The following PRTG variants were observed in gnomAD, a reference collection of about 807,000 sequenced individuals.
The protein encoded by PRTG is immunoglobulin superfamily, DCC subclass, member 5.
PRTG carries 67 observed loss-of-function variants against 122.5 expected under a neutral mutation model. The observed-to-expected ratio is 0.55, with a 90% CI of 0.45 to 0.67. The LOEUF (loss-of-function observed/expected upper bound fraction) is 0.67, where lower values mean the gene tolerates loss of function less well. Ranked by LOEUF, PRTG falls within the 30% of genes least tolerant of loss-of-function variation. The pLI is 0.00. For missense variants in PRTG, 1,435 were observed against 1,415.4 expected (o/e 1.01, Z -0.22); for synonymous variants, 554 against 501.1 (o/e 1.11, Z -1.41).
At chr15:55,629,375 ATGTGTGTGTGTG>A (rs59080250) in intron 15 of PRTG, among the ~76,000 whole-genome samples, 179 of 47,970 alleles carry the variant, frequency 3.7e-3, no homozygotes, top group African/African-American at 8.5e-3. Context: ...ATATATATAT[ATGTGTGTGTGTG>A]TGTGTGTGTG....
chr15:55,687,584 T>C (rs1222223739), intron 2 of PRTG, among the ~76,000 whole-genome samples: 3 of 152,144 alleles, frequency 2.0e-5, no homozygotes, highest in Admixed American at 6.6e-5. Flanking sequence ...ATTATAACAA[T>C]TGAGCTAACC....
At chr15:55,727,240 T>C (rs2031067445) in intron 2 of PRTG, among the ~76,000 whole-genome samples, 1 of 150,502 alleles carries the variant, frequency 6.6e-6, no homozygotes, top group South Asian at 2.1e-4. Context: ...TTTGAATAGA[T>C]GAACAAAACT....
At chr15:55,717,453 C>G (rs1415412661) in intron 2 of PRTG, among the ~76,000 whole-genome samples, 1 of 152,170 alleles carries the variant, frequency 6.6e-6, no homozygotes, top group Non-Finnish European at 1.5e-5. Context: ...AAGCAAAAGC[C>G]ACAGTGAAGG....
intron 11 of PRTG, among the ~76,000 whole-genome samples, chr15:55,641,468 T>C (rs1255359967): frequency 6.6e-6 from 1 of 152,210 alleles, no homozygotes; most frequent in Non-Finnish European, 1.5e-5. Context: ...TCTTCTCCTT[T>C]CTCTCCTCTT....
intron 15 of PRTG, among the ~76,000 whole-genome samples, chr15:55,635,651 T>G (rs909307065): frequency 2.0e-5 from 3 of 152,214 alleles, no homozygotes; most frequent in Admixed American, 2.0e-4. Context: ...CATTACTTAG[T>G]GGGGCTTCCG....
At chr15:55,682,317 GC>G (rs1333671839) in intron 4 of PRTG, 46 bp downstream of exon 4, 2 of 1,459,168 alleles carry the variant, frequency 1.4e-6, no homozygotes, top group African/African-American at 2.9e-5. Context: ...AGTAACAACT[GC>G]GCCAATAAAA....
Position 55,639,452 on chromosome 15 carries a change from T to C in PRTG, c.2324+190A>G, listed in dbSNP as rs550769347. Among the ~76,000 whole-genome samples the C allele has an allele frequency of 9.8e-5, 15 of 152,290 alleles. No homozygotes were observed. The East Asian group carries it at 2.5e-3, about 25-fold the overall frequency. On this transcript the variant is annotated intron_variant, in intron 13 of 19. Transcript: ENST00000389286. ...TTAAAAATCACTTACATAAATTAAATGTCAAAAAGTATGGTTTTCAGAATA... is the reference window on the plus strand; with the variant it reads ...TTAAAAATCACTTACATAAATTAAACGTCAAAAAGTATGGTTTTCAGAATA...
intron 2 of PRTG, among the ~76,000 whole-genome samples, chr15:55,698,840 G>A (rs1017625406): frequency 1.3e-5 from 2 of 151,978 alleles, no homozygotes; most frequent in African/African-American, 4.8e-5. Flanking sequence ...AGAAAAAAAG[G>A]AGCAGTACAG....
chr15:55,734,259 G>A (rs2031337264), intron 2 of PRTG, among the ~76,000 whole-genome samples: 1 of 152,168 alleles, frequency 6.6e-6, no homozygotes, highest in Admixed American at 6.5e-5. Context: ...ATAAGCCACT[G>A]AGTCAATCAC....
intron 18 of PRTG, among the ~76,000 whole-genome samples, chr15:55,622,660 G>C (rs1263912054): frequency 2.6e-5 from 4 of 151,868 alleles, no homozygotes; most frequent in African/African-American, 9.7e-5. Context: ...CAAAGCGCTG[G>C]GATTACAGGC....
intron 2 of PRTG, among the ~76,000 whole-genome samples, chr15:55,733,156 C>T (rs2031294317): frequency 2.0e-5 from 3 of 152,058 alleles, no homozygotes; most frequent in African/African-American, 7.2e-5. Context: ...TTGCAGTGAG[C>T]CGAGATTGCG....
chr15:55,692,560 T>C (rs187657923), intron 2 of PRTG, among the ~76,000 whole-genome samples: 1 of 152,096 alleles, frequency 6.6e-6, no homozygotes, highest in Non-Finnish European at 1.5e-5. Flanking sequence ...TTGATCAGAA[T>C]GAGAAGACAC....
chr15:55,703,066 T>C (rs1049034513), intron 2 of PRTG: 1 of 278,104 alleles, frequency 3.6e-6, no homozygotes, highest in Non-Finnish European at 5.5e-6. Flanking sequence ...GGTCTGTTCC[T>C]AGGAATCTCA....
In PRTG at chr15:55,638,689, G is replaced by A; in HGVS notation, c.2325-13C>T. The A allele has an allele frequency of 6.2e-7, 1 of 1,606,924 alleles. No homozygotes were observed. Among genetic ancestry groups the A allele is most frequent in the Non-Finnish European group, 8.5e-7 (1 of 1,176,374 alleles). ...GTGAGTTTCTGATCTATAATAACGA[G>A]TGATGAAGTTGTTAATGCTGGTAGT... On this transcript the variant is annotated splice_polypyrimidine_tract_variant and intron_variant, in intron 13 of 19. Transcript: ENST00000389286.
intron 2 of PRTG, among the ~76,000 whole-genome samples, chr15:55,699,474 A>G (rs986928244): frequency 2.6e-5 from 4 of 152,236 alleles, no homozygotes; most frequent in Non-Finnish European, 5.9e-5. Flanking sequence ...AAATAAAACT[A>G]ACTCACAATT....
chr15:55,624,285 C>T, intron 18 of PRTG, 57 bp downstream of exon 18: 2 of 1,517,592 alleles, frequency 1.3e-6, no homozygotes, highest in Admixed American at 1.8e-5. Context: ...ACATTTTACA[C>T]ACACAGGGAG....
chr15:55,733,754 G>A (rs2031317066), intron 2 of PRTG, among the ~76,000 whole-genome samples: 1 of 151,998 alleles, frequency 6.6e-6, no homozygotes, highest in African/African-American at 2.4e-5. Flanking sequence ...TTGAGCCCAG[G>A]AGGTCCAGGC....
chr15:55,730,249 T>A (rs2031183279), intron 2 of PRTG, among the ~76,000 whole-genome samples: 1 of 151,834 alleles, frequency 6.6e-6, no homozygotes, highest in Non-Finnish European at 1.5e-5. Context: ...TTACAGGTAC[T>A]TGCCACCACG....
Position 55,629,005 on chromosome 15 carries a change from C to T in PRTG, c.2624-1G>A. 1 of 1,588,452 alleles carries T rather than the reference C, an allele frequency of 6.3e-7. No individual in the cohort carries two copies. Among genetic ancestry groups the T allele is most frequent in the Non-Finnish European group, 8.6e-7 (1 of 1,163,274 alleles). On this transcript the variant is annotated splice_acceptor_variant, in intron 15 of 19. Transcript: ENST00000389286. LOFTEE classifies it high-confidence loss of function. Reference sequence around the variant, plus strand: ...TCTAGCAAAGCCATGGTTATTGCCCCTAGAAATACATCAATTACAAATTAA... The same window carrying T: ...TCTAGCAAAGCCATGGTTATTGCCCTTAGAAATACATCAATTACAAATTAA...
Sources: allele counts gnomAD v4.1 joint callset (sites outside exome capture counted in the v4.1 genomes callset), GRCh38; gene constraint gnomAD v4.1.1; transcripts MANE v1.5; gene names NCBI Gene and HGNC (gene_info 2026-07-23, HGNC 2026-07-21).